The following RAB3IP variants were observed in gnomAD, a reference collection of about 807,000 sequenced individuals.
RAB3IP encodes RAB3A interacting protein, also known as rab-3A-interacting protein.
Under a neutral mutation model 59.1 loss-of-function variants are expected in RAB3IP, and 36 were observed. The observed-to-expected ratio is 0.61, with a 90% CI of 0.47 to 0.80. RAB3IP has a LOEUF of 0.80. RAB3IP is among the 30% of genes least tolerant of loss of function. RAB3IP has a pLI of 0.00. For missense variants in RAB3IP, 511 were observed against 536.0 expected (o/e 0.95, Z 0.46); for synonymous variants, 207 against 191.2 (o/e 1.08, Z -0.68).
intron 3 of RAB3IP, among the ~76,000 whole-genome samples, chr12:69,763,492 G>A (rs1368009190): frequency 6.6e-6 from 1 of 152,128 alleles, no homozygotes; most frequent in Non-Finnish European, 1.5e-5. Flanking sequence ...CCACCTCTTG[G>A]TAGCCATTGC....
chr12:69,794,971 A>G (rs898359308), intron 5 of RAB3IP, among the ~76,000 whole-genome samples, 170 bp from the exon 6 acceptor site: 12 of 152,222 alleles, frequency 7.9e-5, no homozygotes, highest in African/African-American at 2.9e-4. Context: ...AATCCAAACC[A>G]TATGGAAACA....
chr12:69,796,560 C>T (rs1829834500), intron 6 of RAB3IP: 1 of 500,930 alleles, frequency 2.0e-6, no homozygotes, highest in Admixed American at 3.6e-5. Flanking sequence ...GTATGGAAGC[C>T]AGGAGTTTAT....
chr12:69,798,582 G>T (rs888409944), intron 6 of RAB3IP, among the ~76,000 whole-genome samples: 2 of 152,064 alleles, frequency 1.3e-5, no homozygotes, highest in Non-Finnish European at 2.9e-5. Context: ...TGGTGTTTTA[G>T]ACATGAAGTC....
chr12:69,758,756 C>CTTTTTTTTTTTTTTTTTTTTTTTTTTTT (rs71437121), intron 3 of RAB3IP, among the ~76,000 whole-genome samples: 2 of 48,228 alleles, frequency 4.1e-5, no homozygotes, highest in Non-Finnish European at 3.7e-5. Flanking sequence ...GTGTTCATTC[C>CTTTTTTTTTTTTTTTTTTTTTTTTTTTT]TTTTTTTTTT....
At chr12:69,742,754 AGC>A (rs2136094215) in intron 1 of RAB3IP, among the ~76,000 whole-genome samples, 1 of 152,330 alleles carries the variant, frequency 6.6e-6, no homozygotes, top group East Asian at 1.9e-4. Context: ...TACAACTGGG[AGC>A]ATTAACTTGC....
intron 1 of RAB3IP, chr12:69,740,019 A>T: frequency 1.4e-6 from 1 of 696,256 alleles, no homozygotes; most frequent in Non-Finnish European, 2.5e-6. Flanking sequence ...TCGGGTTAAA[A>T]GCCTTGTAAT....
At chr12:69,751,860 A>C (rs1352138671) in intron 1 of RAB3IP, among the ~76,000 whole-genome samples, 1 of 152,074 alleles carries the variant, frequency 6.6e-6, no homozygotes, top group Non-Finnish European at 1.5e-5. Context: ...TTAAACTTTA[A>C]TTTTTACTGT....
intron 3 of RAB3IP, among the ~76,000 whole-genome samples, chr12:69,760,310 A>G (rs891779459): frequency 1.3e-5 from 2 of 152,256 alleles, no homozygotes; most frequent in African/African-American, 4.8e-5. Flanking sequence ...GGGAGGTTGC[A>G]GTGAGCCAAG....
intron 5 of RAB3IP, 92 bp from the exon 6 acceptor site, chr12:69,795,049 C>A: frequency 1.1e-6 from 1 of 902,788 alleles, no homozygotes; most frequent in Non-Finnish European, 1.7e-6. Flanking sequence ...TACTTTTCAT[C>A]TTTGAAAGTG....
Position 69,757,882 on chromosome 12 carries a change from A to G in RAB3IP, c.510+1219A>G, listed in dbSNP as rs145832825. On this transcript the variant is annotated intron_variant, in intron 3 of 10. Coordinates refer to ENST00000247833, the MANE Select transcript of RAB3IP (RefSeq NM_022456.5). ...TATATGTATCCATCTTTGAGAACAC[A>G]TGGTTATTGATCAGAACAGATTGCT... Among the ~76,000 whole-genome samples, 214 of 152,340 alleles carry G rather than the reference A, an allele frequency of 1.4e-3. 1 individual carries two copies. The highest frequency in any genetic ancestry group is 2.7e-3 in the Non-Finnish European group (185 of 68,016).
chr12:69,759,755 A>C (rs1435140362), intron 3 of RAB3IP, among the ~76,000 whole-genome samples: 6 of 133,894 alleles, frequency 4.5e-5, no homozygotes, highest in African/African-American at 8.8e-5. Flanking sequence ...CTGACCCCCC[A>C]CCTCCCTCCC....
chr12:69,795,667 G>T (rs746622867), intron 6 of RAB3IP: 2 of 432,914 alleles, frequency 4.6e-6, no homozygotes, highest in Non-Finnish European at 8.1e-6. Context: ...GCTAGAGTGC[G>T]CTTACAAAGT....
At chr12:69,750,361 T>A (rs1304476140) in intron 1 of RAB3IP, among the ~76,000 whole-genome samples, 1 of 152,182 alleles carries the variant, frequency 6.6e-6, no homozygotes, top group Non-Finnish European at 1.5e-5. Context: ...TCAGTGTGTA[T>A]CTTTTTTAAA....
intron 8 of RAB3IP, among the ~76,000 whole-genome samples, chr12:69,809,749 A>G (rs1206966521): frequency 6.6e-6 from 1 of 152,180 alleles, no homozygotes; most frequent in Non-Finnish European, 1.5e-5. Context: ...TTTCAGCTCC[A>G]TCAGGTCCTT....
intron 4 of RAB3IP, among the ~76,000 whole-genome samples, chr12:69,791,992 A>G (rs1876702239): frequency 6.6e-6 from 1 of 152,184 alleles, no homozygotes; most frequent in Non-Finnish European, 1.5e-5. Flanking sequence ...TAAAATGGAA[A>G]TCCTGCCTTT....
At chr12:69,789,942 G>A (rs1426930176) in intron 4 of RAB3IP, among the ~76,000 whole-genome samples, 2 of 152,084 alleles carry the variant, frequency 1.3e-5, no homozygotes, top group Non-Finnish European at 2.9e-5. Context: ...AGACAATAAA[G>A]ACCATATATG....
chr12:69,815,460 AC>A lies in RAB3IP; in HGVS notation c.*16del. On this transcript the variant is annotated 3_prime_UTR_variant, in exon 11 of 11. Coordinates refer to ENST00000247833, the MANE Select transcript of RAB3IP (RefSeq NM_022456.5). ...GAGGAACTCTGATGCTCTGCGTGGG[AC>A]CATGCCTGAACTCCCCGAATAACTG... is the stretch of plus-strand genomic sequence containing the variant. 1 of 1,567,306 alleles carries A rather than the reference AC, an allele frequency of 6.4e-7. No individual in the cohort carries two copies. Among genetic ancestry groups the A allele is most frequent in the Non-Finnish European group, 8.8e-7 (1 of 1,138,402 alleles).
chr12:69,755,079 TTTTG>T (rs1395127178), intron 1 of RAB3IP, among the ~76,000 whole-genome samples: 1 of 152,032 alleles, frequency 6.6e-6, no homozygotes, highest in African/African-American at 2.4e-5. Flanking sequence ...GGTGTTTTGT[TTTTG>T]TTTTTGTTTT....
chr12:69,754,433 CA>C (rs548313459), intron 1 of RAB3IP, among the ~76,000 whole-genome samples: 1 of 151,886 alleles, frequency 6.6e-6, no homozygotes, highest in Non-Finnish European at 1.5e-5. Flanking sequence ...TTAAATGACT[CA>C]AAAATATTAA....
Sources: allele counts gnomAD v4.1 joint callset (sites outside exome capture counted in the v4.1 genomes callset), GRCh38; gene constraint gnomAD v4.1.1; transcripts MANE v1.5; gene names NCBI Gene and HGNC (gene_info 2026-07-23, HGNC 2026-07-21).